SYNDIG1L: variants seen among roughly 807,000 people sequenced by gnomAD.
SYNDIG1L encodes synapse differentiation inducing 1 like.
A neutral mutation model predicts 20.1 loss-of-function variants in SYNDIG1L; 13 were observed. The observed-to-expected ratio is 0.65, with a 90% CI of 0.42 to 1.03. SYNDIG1L has a LOEUF of 1.03. Ranked by LOEUF, SYNDIG1L falls within the 50% of genes least tolerant of loss-of-function variation. SYNDIG1L has a pLI of 0.00. For missense variants in SYNDIG1L, 294 were observed against 305.1 expected (o/e 0.96, Z 0.27); for synonymous variants, 128 against 129.3 (o/e 0.99, Z 0.07).
chr14:74,425,785 G>C (rs539945598), intron 1 of SYNDIG1L, 127 bp downstream of exon 1: 48 of 152,444 alleles, frequency 3.1e-4, no homozygotes, highest in African/African-American at 1.1e-3. Flanking sequence ...CCTTGGCGGA[G>C]CGCAAGGTGC....
the SYNDIG1L span, among the ~76,000 whole-genome samples, chr14:74,437,530 A>G: frequency 6.6e-6 from 1 of 152,222 alleles, no homozygotes; most frequent in Non-Finnish European, 1.5e-5. Flanking sequence ...AAAGGAAACT[A>G]GCTAAGAGTA....
the SYNDIG1L span, among the ~76,000 whole-genome samples, chr14:74,466,674 C>A: frequency 6.6e-6 from 1 of 152,162 alleles, no homozygotes; most frequent in African/African-American, 2.4e-5. Context: ...ACAGGTCTCC[C>A]CTCCCGCTTC....
At chr14:74,413,437 T>G (rs1774794678) in intron 1 of SYNDIG1L, among the ~76,000 whole-genome samples, 1 of 152,156 alleles carries the variant, frequency 6.6e-6, no homozygotes, top group African/African-American at 2.4e-5. Context: ...CAAAGAGTAA[T>G]GACGTGAGAA....
chr14:74,434,878 G>A, the SYNDIG1L span, among the ~76,000 whole-genome samples: 2 of 148,596 alleles, frequency 1.3e-5, no homozygotes, highest in Non-Finnish European at 3.0e-5. Context: ...TCAGGAGATC[G>A]AGACCATCCT....
the SYNDIG1L span, among the ~76,000 whole-genome samples, chr14:74,432,172 T>TGA: frequency 6.9e-6 from 1 of 144,582 alleles, no homozygotes; most frequent in South Asian, 2.2e-4. Context: ...TGTGTGTGTG[T>TGA]GTGTGTGTGA....
intron 2 of SYNDIG1L, 95 bp from the exon 3 acceptor site, chr14:74,408,084 G>A: frequency 7.0e-7 from 1 of 1,422,084 alleles, no homozygotes; most frequent in Non-Finnish European, 9.4e-7. Flanking sequence ...CCAGTGGCCA[G>A]TGACATGGAG....
the SYNDIG1L span, among the ~76,000 whole-genome samples, chr14:74,475,733 C>A: frequency 6.6e-6 from 1 of 152,288 alleles, no homozygotes; most frequent in African/African-American, 2.4e-5. Flanking sequence ...CTGGGCCCAA[C>A]ATATCTGAAA....
At chr14:74,423,720 C>T (rs1172881645) in intron 1 of SYNDIG1L, among the ~76,000 whole-genome samples, 1 of 151,792 alleles carries the variant, frequency 6.6e-6, no homozygotes, top group Admixed American at 6.6e-5. Flanking sequence ...ACACACGTAA[C>T]ACAAATATAA....
At chr14:74,430,387 G>C (rs2086294033), upstream of SYNDIG1L, among the ~76,000 whole-genome samples, 1 of 152,120 alleles carries the variant, frequency 6.6e-6, no homozygotes, top group African/African-American at 2.4e-5. Context: ...AGATGGCAGG[G>C]TTCTTTCACC....
At chr14:74,431,698 A>T in the SYNDIG1L span, among the ~76,000 whole-genome samples, 4 of 152,066 alleles carry the variant, frequency 2.6e-5, no homozygotes, top group African/African-American at 9.7e-5. Flanking sequence ...TGTCCAAGGA[A>T]TTGTGACATT....
intron 1 of SYNDIG1L, among the ~76,000 whole-genome samples, chr14:74,411,936 G>A (rs1322929630): frequency 6.6e-6 from 1 of 152,214 alleles, no homozygotes; most frequent in East Asian, 1.9e-4. Context: ...CGGAGATGCT[G>A]GGCTGCCATG....
At chr14:74,451,984 TAAAAAAAAAAAAAAAA>T in the SYNDIG1L span, among the ~76,000 whole-genome samples, 1 of 65,248 alleles carries the variant, frequency 1.5e-5, no homozygotes, top group Non-Finnish European at 2.7e-5. Context: ...AGACTTTGTC[TAAAAAAAAAAAAAAAA>T]AAAAAAAAAG....
chr14:74,435,552 T>C, the SYNDIG1L span, among the ~76,000 whole-genome samples: 1 of 152,138 alleles, frequency 6.6e-6, no homozygotes, highest in Non-Finnish European at 1.5e-5. Flanking sequence ...CTGATAGTAG[T>C]GATGTTTTGT....
intron 1 of SYNDIG1L, among the ~76,000 whole-genome samples, chr14:74,420,431 C>G (rs551090940): frequency 6.8e-6 from 1 of 147,958 alleles, no homozygotes; most frequent in Non-Finnish European, 1.5e-5. Flanking sequence ...AGGATGAGGA[C>G]CTGAAACTGA....
intron 1 of SYNDIG1L, among the ~76,000 whole-genome samples, chr14:74,413,579 T>TGC (rs2086149912): frequency 9.4e-6 from 1 of 106,746 alleles, no homozygotes; most frequent in Non-Finnish European, 2.0e-5. Context: ...TTCTTTTTTA[T>TGC]ACTGTTTTTT....
At chr14:74,468,692 C>T in the SYNDIG1L span, among the ~76,000 whole-genome samples, 17 of 152,060 alleles carry the variant, frequency 1.1e-4, no homozygotes, top group Non-Finnish European at 2.2e-4. Flanking sequence ...AGTTACTCAT[C>T]GAGGACTTGC....
At chr14:74,439,248 A>G in the SYNDIG1L span, among the ~76,000 whole-genome samples, 2 of 152,010 alleles carry the variant, frequency 1.3e-5, no homozygotes, top group Non-Finnish European at 2.9e-5. Context: ...CATAGCACTC[A>G]GAGCGTTGTA....
Position 74,409,343 on chromosome 14 carries a change from G to T in SYNDIG1L, c.402C>A (p.Asp134Glu), listed in dbSNP as rs1449479972. ...ATGCACTCACCTCCTCTTCCTCCTG[G>T]TCATCCTCCTGGTCCCGCAGCTCCT... ...VQEELRDQED[D>E]QEEEESDATS... The change falls in exon 2 of 4, where the codon GAC becomes GAA. Residue 134 changes from aspartate (D) to glutamate (E), a missense_variant. Coordinates refer to ENST00000331628, the MANE Select transcript of SYNDIG1L (RefSeq NM_001105579.2). 2 of 1,559,202 alleles carry T rather than the reference G, an allele frequency of 1.3e-6. No homozygotes were observed. Among genetic ancestry groups the T allele is most frequent in the African/African-American group, 1.4e-5 (1 of 73,044 alleles).
At chr14:74,443,924 A>C in the SYNDIG1L span, among the ~76,000 whole-genome samples, 1 of 152,214 alleles carries the variant, frequency 6.6e-6, no homozygotes, top group Non-Finnish European at 1.5e-5. Context: ...GTTACATTTC[A>C]TGAAGCATTC....
Sources: gnomAD v4.1 joint callset for allele counts (sites outside exome capture counted in the v4.1 genomes callset) on GRCh38, gnomAD v4.1.1 for gene constraint, MANE v1.5 for transcripts, NCBI Gene and HGNC (gene_info 2026-07-23, HGNC 2026-07-21) for gene names.